The following RPA1 variants were observed in gnomAD, a reference collection of about 807,000 sequenced individuals.
RPA1 encodes replication protein A1.
In RPA1, 49 loss-of-function variants were observed where a neutral mutation model predicts 83.0. The ratio of observed to expected loss-of-function variants is 0.59; its 90% CI spans 0.47 to 0.75. RPA1 has a LOEUF of 0.75. Among genes scored for constraint, RPA1 ranks in the 30% least tolerant of loss-of-function variants. The pLI is 0.00. For missense variants in RPA1, 693 were observed against 776.1 expected, an observed-to-expected ratio of 0.89 and a Z score of 1.27; for synonymous variants, 279 against 281.8, an observed-to-expected ratio of 0.99 and a Z score of 0.10.
intron 15 of RPA1, among the ~76,000 whole-genome samples, chr17:1,894,190 A>C (rs1225366506): frequency 1.4e-5 from 2 of 143,624 alleles, no homozygotes; most frequent in East Asian, 4.0e-4. Context: ...TTTTTTTTTG[A>C]GAGTCTCGCT....
intron 13 of RPA1, among the ~76,000 whole-genome samples, chr17:1,887,095 A>G (rs1914021286): frequency 6.6e-6 from 1 of 152,188 alleles, no homozygotes; most frequent in African/African-American, 2.4e-5. Context: ...AGCTTACTCC[A>G]TATCAGCAGT....
rs758039089 is a variant in RPA1 at position 1,878,995 on chromosome 17, T to G, written c.693T>G (p.Gly231=). 1 of 1,614,176 alleles carries G rather than the reference T, an allele frequency of 6.2e-7. No homozygotes were observed. Among genetic ancestry groups the G allele is most frequent in the Non-Finnish European group, 8.5e-7 (1 of 1,180,032 alleles). Residue 231 remains glycine, a splice_region_variant and synonymous_variant, in exon 9 of 17, where the codon GGT becomes GGG. Coordinates refer to ENST00000254719, the MANE Select transcript of RPA1 (RefSeq NM_002945.5). ...AACCTGCCCACGTGCTTCTGCAGGGTGAAATCCGAGCTACAGCTTTCAATG... is the reference window on the plus strand; with the variant it reads ...AACCTGCCCACGTGCTTCTGCAGGGGGAAATCCGAGCTACAGCTTTCAATG... The part of the protein sequence containing the change: ...LFSLELVDES[G]EIRATAFNEQ...
chr17:1,836,839 A>AAT (rs397857359), intron 1 of RPA1, among the ~76,000 whole-genome samples: 147 of 138,170 alleles, frequency 1.1e-3, no homozygotes, highest in Middle Eastern at 3.6e-3. Flanking sequence ...TTAAAAAAAA[A>AAT]TTTTTTTTTT....
intron 15 of RPA1, 55 bp downstream of exon 15, chr17:1,891,995 A>T: frequency 8.0e-7 from 1 of 1,257,192 alleles, no homozygotes; most frequent in Non-Finnish European, 1.1e-6. Context: ...CTCATTCTAT[A>T]ACACTGACCC....
intron 13 of RPA1, among the ~76,000 whole-genome samples, chr17:1,887,720 T>G (rs1014650604): frequency 3.3e-5 from 5 of 151,262 alleles, no homozygotes; most frequent in Non-Finnish European, 7.4e-5. Flanking sequence ...AAACCCCATC[T>G]CTACTAAAAA....
intron 4 of RPA1, among the ~76,000 whole-genome samples, chr17:1,849,817 C>T (rs1912414865): frequency 2.6e-5 from 4 of 152,066 alleles, no homozygotes; most frequent in Admixed American, 2.6e-4. Flanking sequence ...AGAAATGGCT[C>T]GTAAATTCTT....
chr17:1,888,406 G>A (rs1288865322), intron 13 of RPA1, among the ~76,000 whole-genome samples: 1 of 152,172 alleles, frequency 6.6e-6, no homozygotes, highest in Non-Finnish European at 1.5e-5. Flanking sequence ...TTAACTTAGT[G>A]TAATTTAGGA....
In RPA1 at chr17:1,897,281, C is replaced by T; in HGVS notation, c.*106C>T. 2 of 852,010 alleles carry T rather than the reference C, an allele frequency of 2.3e-6. No homozygotes were observed. The allele number at this position is 852,010 out of a possible 1,614,324, so 52.8% of individuals were successfully genotyped here. A position where few individuals can be genotyped will look rare whatever the true frequency, so the allele number is the denominator to read the frequency against. On this transcript the variant is annotated 3_prime_UTR_variant, in exon 17 of 17. Transcript: ENST00000254719. ...ATGTTAGCTACACAGTGCAGAGGCTCTTGATGGTGGACTAAGCAATTTCCC... is the reference window on the plus strand; with the variant it reads ...ATGTTAGCTACACAGTGCAGAGGCTTTTGATGGTGGACTAAGCAATTTCCC...
intron 5 of RPA1, 24 bp from the exon 6 acceptor site, chr17:1,872,410 C>T (rs759866652): frequency 1.2e-5 from 20 of 1,611,742 alleles, no homozygotes; most frequent in East Asian, 6.7e-5. Flanking sequence ...TGCACTAAAA[C>T]GGGGTTTCCC....
chr17:1,831,356 C>G (rs771310427), intron 1 of RPA1, among the ~76,000 whole-genome samples: 1 of 152,146 alleles, frequency 6.6e-6, no homozygotes. Context: ...CATCCAGTCC[C>G]TCACGAAGTG....
At chr17:1,858,468 T>TTA in intron 5 of RPA1, 1 of 1,219,208 alleles carries the variant, frequency 8.2e-7, no homozygotes, top group Non-Finnish European at 1.2e-6. Flanking sequence ...GTCTCTCTTT[T>TTA]TCTTTTTTTT....
At chr17:1,854,655 G>A (rs1275397427) in intron 5 of RPA1, among the ~76,000 whole-genome samples, 1 of 152,156 alleles carries the variant, frequency 6.6e-6, no homozygotes, top group Admixed American at 6.5e-5. Context: ...AGTCAGCTGT[G>A]ATGGCACCAC....
At chr17:1,861,726 CT>C (rs546703571) in intron 5 of RPA1, among the ~76,000 whole-genome samples, 89 of 145,674 alleles carry the variant, frequency 6.1e-4, no homozygotes, top group South Asian at 4.8e-3. Flanking sequence ...GGTGCTCTCT[CT>C]TTTTTTTTTT....
chr17:1,831,486 A>G (rs61619052), intron 1 of RPA1, among the ~76,000 whole-genome samples: 6,938 of 151,210 alleles, frequency 0.046, 559 homozygotes, highest in African/African-American at 0.16. Flanking sequence ...TCCTGCCACC[A>G]TTCCCATCCA....
Position 1,872,450 on chromosome 17 carries a change from A to C in RPA1, c.378A>C (p.Gln126His). The change falls in exon 6 of 17, where the codon CAA becomes CAC. Residue 126 changes from glutamine to histidine, a missense_variant. By Grantham distance (24) the Gln-to-His change is conservative (BLOSUM62 0). Transcript: ENST00000254719. ...VPYNEGLGQP[Q>H]VAPPAPAASP... ...GATCTTCAGGACTCGGGCAGCCGCA[A>C]GTAGCTCCTCCAGCGCCAGCAGCCA... 6.2e-7 allele frequency: 1 copy of C among 1,613,972 alleles called. No individual in the cohort carries two copies. The highest frequency in any genetic ancestry group is 8.5e-7 in the Non-Finnish European group (1 of 1,179,992).
chr17:1,861,955 A>C (rs1912988131), intron 5 of RPA1, among the ~76,000 whole-genome samples: 1 of 151,878 alleles, frequency 6.6e-6, no homozygotes, highest in East Asian at 1.9e-4. Flanking sequence ...GCTGGAGTGC[A>C]GTGGCGCGGT....
chr17:1,854,383 CATTGAA>C (rs1209598083), intron 5 of RPA1: 1 of 152,124 alleles, frequency 6.6e-6, no homozygotes, highest in Non-Finnish European at 1.5e-5. Flanking sequence ...TATTTGATTA[CATTGAA>C]ATTTTAAAAT....
intron 5 of RPA1, among the ~76,000 whole-genome samples, chr17:1,861,608 T>A (rs1230034064): frequency 6.6e-6 from 1 of 152,226 alleles, no homozygotes; most frequent in Non-Finnish European, 1.5e-5. Context: ...AGCTGTTTCT[T>A]CTCTGTTTGT....
chr17:1,881,815 T>A (rs1204043016), intron 12 of RPA1, among the ~76,000 whole-genome samples: 1 of 152,216 alleles, frequency 6.6e-6, no homozygotes. Context: ...GCATACATGA[T>A]ACCTGGACAA....
Sources: allele counts gnomAD v4.1 joint callset (sites outside exome capture counted in the v4.1 genomes callset), GRCh38; gene constraint gnomAD v4.1.1; transcripts MANE v1.5; gene names NCBI Gene and HGNC (gene_info 2026-07-23, HGNC 2026-07-21).